Variants in LTBP2 observed in about 807,000 individuals in gnomAD.
LTBP2 encodes the protein latent transforming growth factor beta binding protein 2, also known as latent-transforming growth factor beta-binding protein 2.
Under a neutral mutation model 210.6 loss-of-function variants are expected in LTBP2, and 103 were observed. That is an observed-to-expected ratio of 0.49 (90% confidence interval 0.42 to 0.58). The LOEUF is 0.58. Ranked by LOEUF, LTBP2 falls within the 20% of genes least tolerant of loss-of-function variation. The pLI is 0.00. For missense variants in LTBP2, 2,313 were observed against 2,494.5 expected (o/e 0.93, Z 1.55); for synonymous variants, 1,007 against 1,015.0 (o/e 0.99, Z 0.15).
At chr14:74,596,752 C>T (rs972289099) in intron 2 of LTBP2, among the ~76,000 whole-genome samples, 4 of 152,122 alleles carry the variant, frequency 2.6e-5, no homozygotes, top group Non-Finnish European at 5.9e-5. Flanking sequence ...GGAAGGTGTC[C>T]CTGTAGCCCC....
chr14:74,568,694 G>A (rs927904216), intron 3 of LTBP2, among the ~76,000 whole-genome samples: 3 of 152,142 alleles, frequency 2.0e-5, no homozygotes, highest in Non-Finnish European at 4.4e-5. Context: ...TTTTCCAGAT[G>A]AGGCATAAAG....
chr14:74,553,440 G>A (rs1044470728), intron 4 of LTBP2, among the ~76,000 whole-genome samples: 10 of 152,260 alleles, frequency 6.6e-5, no homozygotes, highest in Non-Finnish European at 1.3e-4. Flanking sequence ...CTCAAGTGAC[G>A]CAGCTAGCAA....
rs749996996 is a variant in LTBP2 at position 74,509,226 on chromosome 14, A to G, written c.3403+12T>C. On this transcript the variant is annotated intron_variant, in intron 22 of 35. Transcript: ENST00000261978. Reference sequence around the variant, plus strand: ...ATCCCATTTGTATCCTCTCCCACACAGAGGCTCATACCTTCACAGGAGTCA... The same window carrying G: ...ATCCCATTTGTATCCTCTCCCACACGGAGGCTCATACCTTCACAGGAGTCA... 2.5e-6 allele frequency: 4 copies of G among 1,613,474 alleles called. No individual in the cohort carries two copies. In the South Asian group the frequency reaches 4.4e-5, roughly 18 times the overall value.
chr14:74,552,461 C>T, intron 5 of LTBP2, 68 bp from the exon 6 acceptor site: 2 of 1,441,162 alleles, frequency 1.4e-6, no homozygotes, highest in Non-Finnish European at 1.9e-6. Context: ...GGCTGGTGAC[C>T]ACCACAGAGA....
chr14:74,530,901 G>T (rs6574184), intron 10 of LTBP2, among the ~76,000 whole-genome samples: 11 of 151,838 alleles, frequency 7.2e-5, no homozygotes, highest in African/African-American at 2.7e-4. Context: ...AACTTTCTTC[G>T]TGGTATTGTC....
At chr14:74,506,625 A>G in intron 27 of LTBP2, 73 bp downstream of exon 27, 1 of 1,599,702 alleles carries the variant, frequency 6.3e-7, no homozygotes. Flanking sequence ...CGTGACCAGG[A>G]CCAGTTGAGG....
intron 3 of LTBP2, among the ~76,000 whole-genome samples, chr14:74,573,042 G>C (rs959429461): frequency 6.6e-6 from 1 of 152,178 alleles, no homozygotes; most frequent in Admixed American, 6.5e-5. Context: ...ACATTTTAAT[G>C]AGGCCGAATG....
chr14:74,527,272 C>T, intron 13 of LTBP2, 75 bp downstream of exon 13: 2 of 1,548,530 alleles, frequency 1.3e-6, no homozygotes. Context: ...GAGACACTGC[C>T]CTGGGGCCTG....
intron 3 of LTBP2, among the ~76,000 whole-genome samples, chr14:74,572,571 G>A (rs1373461518): frequency 6.6e-6 from 1 of 151,906 alleles, no homozygotes; most frequent in African/African-American, 2.4e-5. Context: ...TGGAGTAACT[G>A]GAAAAACTAC....
chr14:74,567,079 T>C (rs1034559906), intron 3 of LTBP2, among the ~76,000 whole-genome samples: 2 of 152,124 alleles, frequency 1.3e-5, no homozygotes, highest in African/African-American at 4.8e-5. Context: ...GAACACAGCA[T>C]TCCTGTTTCA....
At chr14:74,602,907 G>A (rs995620541) in intron 2 of LTBP2, among the ~76,000 whole-genome samples, 1 of 152,258 alleles carries the variant, frequency 6.6e-6, no homozygotes, top group African/African-American at 2.4e-5. Context: ...GGCCAGGGCA[G>A]AGGTGGATTC....
At chr14:74,562,699 A>C (rs901475951) in intron 3 of LTBP2, among the ~76,000 whole-genome samples, 1 of 152,220 alleles carries the variant, frequency 6.6e-6, no homozygotes, top group African/African-American at 2.4e-5. Context: ...GTGCAAATGA[A>C]AACTATGCTG....
chr14:74,561,213 G>A (rs962382680), intron 3 of LTBP2, among the ~76,000 whole-genome samples: 2 of 152,116 alleles, frequency 1.3e-5, no homozygotes. Context: ...AGCTACTCAG[G>A]AGGCTGAGGC....
chr14:74,507,859 T>G, intron 25 of LTBP2, 114 bp downstream of exon 25: 1 of 1,430,370 alleles, frequency 7.0e-7, no homozygotes, highest in South Asian at 1.2e-5. Flanking sequence ...CATACACTAT[T>G]TGTTGGACAC....
intron 2 of LTBP2, among the ~76,000 whole-genome samples, chr14:74,595,644 C>A (rs953912164): frequency 6.6e-6 from 1 of 152,210 alleles, no homozygotes; most frequent in Non-Finnish European, 1.5e-5. Flanking sequence ...GAGAACACCA[C>A]CCCAAACACT....
At chr14:74,548,467 C>T (rs546342044) in intron 8 of LTBP2, among the ~76,000 whole-genome samples, 45 of 152,204 alleles carry the variant, frequency 3.0e-4, no homozygotes, top group Admixed American at 9.8e-4. Context: ...CATGCTATGG[C>T]CTCTTCAAAT....
chr14:74,527,866 C>T (rs1271190011), intron 12 of LTBP2, among the ~76,000 whole-genome samples: 3 of 152,232 alleles, frequency 2.0e-5, no homozygotes, highest in East Asian at 3.8e-4. Context: ...GCTCTGTCCT[C>T]ACTCCCCTGT....
intron 9 of LTBP2, among the ~76,000 whole-genome samples, chr14:74,534,020 G>A (rs1274648663): frequency 6.6e-6 from 1 of 152,184 alleles, no homozygotes; most frequent in Non-Finnish European, 1.5e-5. Context: ...AGGAACGAGG[G>A]ACTGAAAGGT....
At chr14:74,545,167 G>C (rs887380138) in intron 8 of LTBP2, among the ~76,000 whole-genome samples, 2 of 152,156 alleles carry the variant, frequency 1.3e-5, no homozygotes. Context: ...AATGATTAGG[G>C]AGATCTTGCT....
Sources: gnomAD v4.1 joint callset for allele counts (sites outside exome capture counted in the v4.1 genomes callset) on GRCh38, gnomAD v4.1.1 for gene constraint, MANE v1.5 for transcripts, NCBI Gene and HGNC (gene_info 2026-07-23, HGNC 2026-07-21) for gene names.